The following OTOGL variants were observed in gnomAD, a reference collection of about 807,000 sequenced individuals.
The protein encoded by OTOGL is otogelin-like protein.
A neutral mutation model predicts 318.5 loss-of-function variants in OTOGL; 285 were observed. The ratio of observed to expected loss-of-function variants is 0.89; its 90% CI spans 0.81 to 0.99. The LOEUF (loss-of-function observed/expected upper bound fraction) is 0.99. Ranked by LOEUF, OTOGL falls within the 50% of genes least tolerant of loss-of-function variation. OTOGL has a pLI of 0.00. For missense variants in OTOGL, 2,899 were observed against 2,845.6 expected (o/e 1.02, Z -0.43); for synonymous variants, 987 against 936.5 (o/e 1.05, Z -0.99).
intron 44 of OTOGL, among the ~76,000 whole-genome samples, chr12:80,351,240 G>A (rs956018962): frequency 6.6e-6 from 1 of 150,768 alleles, no homozygotes; most frequent in East Asian, 1.9e-4. Context: ...TTATTTCTGG[G>A]TCTCTGTTCT....
intron 26 of OTOGL, among the ~76,000 whole-genome samples, chr12:80,293,321 A>G (rs764803742): frequency 4.1e-4 from 63 of 152,364 alleles, no homozygotes; most frequent in Middle Eastern, 3.4e-3. Flanking sequence ...TATTAACACT[A>G]AAGTTAATTT....
chr12:80,173,433 CGTG>C (rs1874336260), intron 1 of OTOGL, among the ~76,000 whole-genome samples: 1 of 151,920 alleles, frequency 6.6e-6, no homozygotes. Context: ...TGTAAACTGC[CGTG>C]GTGGTGGTGG....
At chr12:80,146,569 T>C (rs2137155399) in intron 1 of OTOGL, among the ~76,000 whole-genome samples, 1 of 149,292 alleles carries the variant, frequency 6.7e-6, no homozygotes, top group Admixed American at 6.6e-5. Context: ...GATGCTGGCC[T>C]CATAAAATGA....
At chr12:80,113,987 T>G (rs1190173698) in intron 1 of OTOGL, among the ~76,000 whole-genome samples, 2 of 152,194 alleles carry the variant, frequency 1.3e-5, no homozygotes, top group Non-Finnish European at 2.9e-5. Flanking sequence ...TCCATCTGTT[T>G]ATTTTGAGCC....
intron 45 of OTOGL, among the ~76,000 whole-genome samples, 179 bp from the exon 46 acceptor site, chr12:80,353,142 AAAAC>A (rs1206388014): frequency 6.6e-5 from 10 of 152,238 alleles, no homozygotes. Context: ...AAAAATGCAA[AAAAC>A]AAACACATTG....
chr12:80,242,982 T>G (rs937309193), intron 11 of OTOGL, among the ~76,000 whole-genome samples: 1 of 152,130 alleles, frequency 6.6e-6, no homozygotes, highest in African/African-American at 2.4e-5. Flanking sequence ...AAGGAAATGA[T>G]TTTAATTTTG....
intron 55 of OTOGL, among the ~76,000 whole-genome samples, chr12:80,369,541 T>C (rs1302994983): frequency 6.6e-6 from 1 of 152,012 alleles, no homozygotes; most frequent in Non-Finnish European, 1.5e-5. Context: ...GTTTGAATCA[T>C]GAATAGTAGT....
intron 1 of OTOGL, among the ~76,000 whole-genome samples, chr12:80,178,304 G>A (rs1039213016): frequency 9.2e-5 from 14 of 151,664 alleles, no homozygotes; most frequent in South Asian, 4.2e-4. Context: ...CAAGTGATCC[G>A]CCTGCCTCGA....
intron 8 of OTOGL, among the ~76,000 whole-genome samples, chr12:80,230,832 A>G (rs1879296017): frequency 6.6e-6 from 1 of 152,194 alleles, no homozygotes; most frequent in Non-Finnish European, 1.5e-5. Flanking sequence ...GTACAAATGA[A>G]TCCCTGAATA....
At position 80,257,308 on chromosome 12, in the gene OTOGL, T is replaced by TG. The variant is rs369154022; in HGVS notation, c.1712-517_1712-516insG. ...TTTTTAAGGAGGTTTTAAGGTGAAG[T>TG]TTTTTTTTTTTTGGTACATGACTAT... On this transcript the variant is annotated intron_variant, in intron 17 of 58. Coordinates refer to ENST00000547103, the MANE Select transcript of OTOGL (RefSeq NM_001378609.3). Among the ~76,000 whole-genome samples the TG allele has an allele frequency of 0.022, 130 of 5,844 alleles. 2 individuals are homozygous for TG. The East Asian group carries it at 0.49, about 22-fold the overall frequency. 3.8% of individuals were successfully genotyped at this position (5,844 alleles called of 152,430 possible).
At chr12:80,191,988 T>G (rs1251019717) in intron 1 of OTOGL, among the ~76,000 whole-genome samples, 1 of 152,240 alleles carries the variant, frequency 6.6e-6, no homozygotes, top group African/African-American at 2.4e-5. Flanking sequence ...GTTATTACAT[T>G]AGCTATCCCT....
chr12:80,227,885 A>G (rs1238815167), intron 7 of OTOGL, among the ~76,000 whole-genome samples: 1 of 152,112 alleles, frequency 6.6e-6, no homozygotes, highest in Non-Finnish European at 1.5e-5. Flanking sequence ...ACCTTGACAC[A>G]TACCCTATCC....
chr12:80,358,617 G>A, intron 50 of OTOGL, 54 bp from the exon 51 acceptor site: 3 of 1,391,034 alleles, frequency 2.2e-6, no homozygotes, highest in Non-Finnish European at 3.0e-6. Context: ...GGTAGGTAAT[G>A]AGAAATGGCA....
chr12:80,259,052 ATGT>A (rs1199269143), intron 18 of OTOGL, among the ~76,000 whole-genome samples: 2 of 152,012 alleles, frequency 1.3e-5, no homozygotes, highest in East Asian at 1.9e-4. Context: ...TCGGAACATC[ATGT>A]TGTACTCTGT....
chr12:80,310,251 G>A (rs1183815230), intron 29 of OTOGL, among the ~76,000 whole-genome samples: 2 of 152,024 alleles, frequency 1.3e-5, no homozygotes, highest in African/African-American at 4.8e-5. Context: ...CAGAGACTTG[G>A]GTGCATATAA....
chr12:80,122,631 G>A (rs758399214), intron 1 of OTOGL, among the ~76,000 whole-genome samples: 1 of 152,136 alleles, frequency 6.6e-6, no homozygotes, highest in Non-Finnish European at 1.5e-5. Context: ...TTGGCAAGAA[G>A]CAAAAGAAAT....
At chr12:80,130,384 G>A (rs536735074) in intron 1 of OTOGL, among the ~76,000 whole-genome samples, 3 of 152,358 alleles carry the variant, frequency 2.0e-5, no homozygotes, top group South Asian at 4.1e-4. Flanking sequence ...GATTGCATGA[G>A]CTAAAGGTCA....
intron 53 of OTOGL, among the ~76,000 whole-genome samples, 175 bp from the exon 54 acceptor site, chr12:80,367,386 A>G (rs1321587803): frequency 1.3e-5 from 2 of 152,132 alleles, no homozygotes. Context: ...GGAATAGTGT[A>G]CTACATTTTT....
At chr12:80,199,184 C>G (rs922158213) in intron 1 of OTOGL, among the ~76,000 whole-genome samples, 2 of 152,156 alleles carry the variant, frequency 1.3e-5, no homozygotes, top group African/African-American at 4.8e-5. Context: ...TTGTGCAATT[C>G]TCTCCCTAGC....
Sources: gnomAD v4.1 joint callset for allele counts (sites outside exome capture counted in the v4.1 genomes callset) on GRCh38, gnomAD v4.1.1 for gene constraint, MANE v1.5 for transcripts, NCBI Gene and HGNC (gene_info 2026-07-23, HGNC 2026-07-21) for gene names.